Variants in OTUD7A observed in about 807,000 individuals in gnomAD.
OTUD7A encodes OTU domain-containing protein 7A.
In OTUD7A, 12 loss-of-function variants were observed where a neutral mutation model predicts 65.7. The ratio of observed to expected loss-of-function variants is 0.18; its 90% CI spans 0.12 to 0.30. The LOEUF (loss-of-function observed/expected upper bound fraction) is 0.30, where lower values mean the gene tolerates loss of function less well. Among genes scored for constraint, OTUD7A ranks in the 10% least tolerant of loss-of-function variants. The probability of loss-of-function intolerance (pLI) is 1.00; values close to 1 mark genes in which losing one functional copy is unlikely to be tolerated. For synonymous variants in OTUD7A, 641 were observed against 586.3 expected, an observed-to-expected ratio of 1.09 and a Z score of -1.35; for missense variants, 1,148 against 1,304.8, an observed-to-expected ratio of 0.88 and a Z score of 1.85.
intron 1 of OTUD7A, among the ~76,000 whole-genome samples, chr15:31,756,045 C>T (rs1257935303): frequency 2.6e-5 from 4 of 152,314 alleles, no homozygotes; most frequent in South Asian, 2.1e-4. Flanking sequence ...GTGGGGACTC[C>T]GCTGAAGATG....
chr15:31,479,667 G>C lies in OTUD7A; in HGVS notation c.*3627C>G, dbSNP rs569462715. Reference sequence around the variant, plus strand: ...TAAGTTTGTGGACACTAAGTGGGGGGGGGGGGTGATGGGCCCATGACCCCT... The same window carrying C: ...TAAGTTTGTGGACACTAAGTGGGGGCGGGGGGTGATGGGCCCATGACCCCT... On this transcript the variant is annotated 3_prime_UTR_variant, in exon 13 of 13. Transcript: ENST00000307050. 6.8e-6 allele frequency: 1 copy of C among 147,296 alleles called. No homozygotes were observed. The highest frequency in any genetic ancestry group is 1.5e-5 in the Non-Finnish European group (1 of 66,566). The allele number at this position is 147,296 out of a possible 1,614,324, so 9.1% of individuals were successfully genotyped here.
intron 1 of OTUD7A, among the ~76,000 whole-genome samples, chr15:31,741,252 C>T (rs192262139): frequency 8.5e-5 from 13 of 152,260 alleles, no homozygotes; most frequent in Non-Finnish European, 1.6e-4. Context: ...ATAGGATTTG[C>T]TTCAAAATAA....
intron 3 of OTUD7A, among the ~76,000 whole-genome samples, chr15:31,643,688 T>C (rs952183610): frequency 8.5e-5 from 13 of 152,228 alleles, no homozygotes; most frequent in African/African-American, 3.1e-4. Flanking sequence ...TAACTTCTGA[T>C]TGAGTGCCAG....
rs867621587 is a variant in OTUD7A at position 31,599,542 on chromosome 15, G to A, written c.152-29345C>T. On this transcript the variant is annotated intron_variant, in intron 3 of 12. Coordinates refer to ENST00000307050, the MANE Select transcript of OTUD7A (RefSeq NM_001382637.1). Reference sequence around the variant, plus strand: ...TCCATGAAGATGGGGAGAAACCAGCGCAAAAAGGCTGAAAATTCCAAAAAC... The same window carrying A: ...TCCATGAAGATGGGGAGAAACCAGCACAAAAAGGCTGAAAATTCCAAAAAC... 4.6e-5 allele frequency among the ~76,000 whole-genome samples: 7 copies of A among 152,240 alleles called. No homozygotes were observed. The East Asian group carries it at 7.7e-4, about 17-fold the overall frequency.
intron 3 of OTUD7A, among the ~76,000 whole-genome samples, chr15:31,590,016 C>T (rs544252968): frequency 1.3e-5 from 2 of 152,306 alleles, no homozygotes; most frequent in East Asian, 1.9e-4. Context: ...TATACACACA[C>T]ATACATACAC....
chr15:31,483,773 G>C lies in OTUD7A; in HGVS notation c.2323C>G (p.Arg775Gly). Residue 775 changes from arginine to glycine, a missense_variant, in exon 13 of 13, where the codon CGC becomes GGC. Physicochemically the swap from Arg to Gly is moderately radical, Grantham distance 125 (BLOSUM62 -2). Coordinates refer to ENST00000307050, the MANE Select transcript of OTUD7A (RefSeq NM_001382637.1). ...GCCTGCACGTGGATGACGCTCTGGC[G>C]CGCTGGCGCCGGGGGGCTGCGGCCA... ...VPGRSPPAPA[R>G]QSVIHVQASG... is the part of the protein sequence containing the mutation. 1.9e-6 allele frequency: 2 copies of C among 1,064,808 alleles called. No individual in the cohort carries two copies. The highest frequency in any genetic ancestry group is 2.3e-6 in the Non-Finnish European group (2 of 883,172). 66.0% of individuals were successfully genotyped at this position (1,064,808 alleles called of 1,614,324 possible).
chr15:31,578,555 C>A (rs1369038752), intron 3 of OTUD7A, among the ~76,000 whole-genome samples: 1 of 129,698 alleles, frequency 7.7e-6, no homozygotes, highest in Non-Finnish European at 1.5e-5. Context: ...AAACCAATGT[C>A]CTTTTTTTTT....
intron 7 of OTUD7A, 92 bp from the exon 8 acceptor site, chr15:31,526,553 G>C: frequency 9.4e-7 from 1 of 1,059,256 alleles, no homozygotes; most frequent in Admixed American, 2.8e-5. Flanking sequence ...GCCTCACCGG[G>C]ACCCAGGCCA....
chr15:31,569,463 T>C (rs898652082), intron 4 of OTUD7A, among the ~76,000 whole-genome samples: 11 of 152,210 alleles, frequency 7.2e-5, no homozygotes, highest in African/African-American at 2.4e-4. Flanking sequence ...TTTTGAACAA[T>C]ATAGCAAGAG....
At chr15:31,577,991 C>T (rs1889257514) in intron 3 of OTUD7A, among the ~76,000 whole-genome samples, 2 of 152,252 alleles carry the variant, frequency 1.3e-5, no homozygotes, top group African/African-American at 2.4e-5. Context: ...ACTCTACTGC[C>T]TCAATGACTA....
At chr15:31,620,760 A>C in intron 3 of OTUD7A, among the ~76,000 whole-genome samples, 1 of 102,660 alleles carries the variant, frequency 9.7e-6, no homozygotes, top group Non-Finnish European at 1.8e-5. Flanking sequence ...TTGTGTCTCT[A>C]TTTCCTTCAG....
intron 1 of OTUD7A, among the ~76,000 whole-genome samples, chr15:31,687,228 C>A (rs1010881519): frequency 6.6e-6 from 1 of 152,054 alleles, no homozygotes; most frequent in African/African-American, 2.4e-5. Context: ...TAAGGCTGAC[C>A]GAGAGCAGGA....
chr15:31,786,096 C>T (rs1187050342), intron 1 of OTUD7A, among the ~76,000 whole-genome samples: 2 of 152,086 alleles, frequency 1.3e-5, no homozygotes, highest in Non-Finnish European at 2.9e-5. Context: ...GCCCTCTCGC[C>T]ATATGATGCC....
At chr15:31,621,443 G>T (rs867547059) in intron 3 of OTUD7A, among the ~76,000 whole-genome samples, 4 of 152,118 alleles carry the variant, frequency 2.6e-5, no homozygotes, top group Middle Eastern at 3.2e-3. Context: ...TTATGAATCT[G>T]GGTGCTCCTG....
chr15:31,630,070 G>GT (rs1274094793), intron 3 of OTUD7A, among the ~76,000 whole-genome samples: 144 of 148,334 alleles, frequency 9.7e-4, no homozygotes, highest in Non-Finnish European at 1.8e-3. Context: ...TTTTTGAAGG[G>GT]TTTTTTGTGT....
chr15:31,622,172 C>G (rs1890808393), intron 3 of OTUD7A, among the ~76,000 whole-genome samples: 1 of 152,180 alleles, frequency 6.6e-6, no homozygotes, highest in Non-Finnish European at 1.5e-5. Flanking sequence ...GGTAACCCGA[C>G]TTTTCTTTCT....
intron 3 of OTUD7A, among the ~76,000 whole-genome samples, chr15:31,653,897 A>G (rs949627757): frequency 6.8e-6 from 1 of 147,506 alleles, no homozygotes; most frequent in African/African-American, 2.5e-5. Flanking sequence ...TTTTTTGAGC[A>G]TCTGCTACAT....
chr15:31,870,100 C>T (rs1459314767), intron 1 of OTUD7A, among the ~76,000 whole-genome samples: 2 of 150,118 alleles, frequency 1.3e-5, no homozygotes, highest in East Asian at 2.0e-4. Context: ...AGCCGCGGGA[C>T]CCCCGACGCG....
At chr15:31,679,317 C>A (rs1741324302) in intron 1 of OTUD7A, among the ~76,000 whole-genome samples, 1 of 152,214 alleles carries the variant, frequency 6.6e-6, no homozygotes, top group Middle Eastern at 3.4e-3. Context: ...TAAGTTAAGA[C>A]TTTGGGGGAC....
Sources: allele counts gnomAD v4.1 joint callset (sites outside exome capture counted in the v4.1 genomes callset), GRCh38; gene constraint gnomAD v4.1.1; transcripts MANE v1.5; gene names NCBI Gene and HGNC (gene_info 2026-07-23, HGNC 2026-07-21).